The following DKK2 variants were observed in gnomAD, a reference collection of about 807,000 sequenced individuals.
DKK2 encodes the protein dickkopf Wnt signaling pathway inhibitor 2.
Under a neutral mutation model 28.1 loss-of-function variants are expected in DKK2, and 11 were observed. The ratio of observed to expected loss-of-function variants is 0.39; its 90% confidence interval spans 0.25 to 0.65. DKK2 has a LOEUF of 0.65. Among genes scored for constraint, DKK2 ranks in the 30% least tolerant of loss-of-function variants. DKK2 has a pLI of 0.47. For synonymous variants in DKK2, 135 were observed against 126.5 expected, an observed-to-expected ratio of 1.07 and a Z score of -0.45; for missense variants, 326 against 335.5, an observed-to-expected ratio of 0.97 and a Z score of 0.22.
intron 1 of DKK2, among the ~76,000 whole-genome samples, chr4:106,941,711 G>A (rs1054155439): frequency 7.9e-5 from 12 of 151,972 alleles, no homozygotes; most frequent in African/African-American, 2.9e-4. Context: ...ATAATGATAG[G>A]GTTAAGCATC....
At chr4:106,940,625 C>G (rs563799793) in intron 1 of DKK2, among the ~76,000 whole-genome samples, 2 of 150,352 alleles carry the variant, frequency 1.3e-5, no homozygotes, top group Non-Finnish European at 3.0e-5. Context: ...ACCCAAAGGA[C>G]TATAAATCAT....
At chr4:106,983,514 A>G (rs1043013944) in intron 1 of DKK2, among the ~76,000 whole-genome samples, 1 of 152,200 alleles carries the variant, frequency 6.6e-6, no homozygotes, top group African/African-American at 2.4e-5. Context: ...AAAAGTATGA[A>G]AAGACTTTGG....
intron 1 of DKK2, among the ~76,000 whole-genome samples, chr4:106,970,846 A>C (rs1722859168): frequency 6.6e-6 from 1 of 152,126 alleles, no homozygotes; most frequent in Non-Finnish European, 1.5e-5. Flanking sequence ...TCACATTTGA[A>C]AGTGTTTCTT....
chr4:107,020,663 A>G (rs1183055401), intron 1 of DKK2, among the ~76,000 whole-genome samples: 1 of 152,138 alleles, frequency 6.6e-6, no homozygotes, highest in African/African-American at 2.4e-5. Flanking sequence ...TTGTAGAATA[A>G]TTAAATCAAG....
chr4:107,004,181 A>G (rs1036592509), intron 1 of DKK2, among the ~76,000 whole-genome samples: 11 of 152,170 alleles, frequency 7.2e-5, no homozygotes, highest in African/African-American at 2.7e-4. Flanking sequence ...TGAATATGCT[A>G]GCATTACTCA....
chr4:106,999,493 C>A (rs1723326418), intron 1 of DKK2, among the ~76,000 whole-genome samples: 1 of 152,104 alleles, frequency 6.6e-6, no homozygotes, highest in African/African-American at 2.4e-5. Flanking sequence ...ACTACAGGTG[C>A]CCACCACCAT....
At chr4:106,984,103 G>A (rs900308606) in intron 1 of DKK2, among the ~76,000 whole-genome samples, 2 of 152,134 alleles carry the variant, frequency 1.3e-5, no homozygotes, top group African/African-American at 4.8e-5. Flanking sequence ...TTATACTCCT[G>A]GGCTTTTATC....
intron 1 of DKK2, among the ~76,000 whole-genome samples, chr4:106,940,503 T>C (rs1724678084): frequency 6.6e-6 from 1 of 150,794 alleles, no homozygotes; most frequent in Non-Finnish European, 1.5e-5. Context: ...ACTTTTACAC[T>C]GTTAGTGGGA....
At position 106,922,672 on chromosome 4, in the gene DKK2, A is replaced by T. The variant is rs922811270; in HGVS notation, c.*1282T>A. 2 of 152,152 alleles carry T rather than the reference A, an allele frequency of 1.3e-5. No homozygotes were observed. The highest frequency in any genetic ancestry group is 1.3e-4 in the Admixed American group (2 of 15,252). 9.4% of individuals were successfully genotyped at this position (152,152 alleles called of 1,614,324 possible). On this transcript the variant is annotated 3_prime_UTR_variant, in exon 4 of 4. Transcript: ENST00000285311. ...CATTTTGTGAAACCTCCTGAAATTG[A>T]GATTATTTGAGGATCTCAGCACTAT...
intron 1 of DKK2, among the ~76,000 whole-genome samples, chr4:106,977,867 C>G (rs900144089): frequency 6.6e-6 from 1 of 152,184 alleles, no homozygotes; most frequent in Non-Finnish European, 1.5e-5. Flanking sequence ...TCCTCATCAT[C>G]ATGGATTTAT....
intron 1 of DKK2, among the ~76,000 whole-genome samples, chr4:106,975,339 C>G (rs1722926685): frequency 6.6e-6 from 1 of 152,114 alleles, no homozygotes; most frequent in Non-Finnish European, 1.5e-5. Context: ...CTTTGTACCT[C>G]TGGTAGAATT....
At chr4:106,937,571 C>T (rs1265010519) in intron 1 of DKK2, among the ~76,000 whole-genome samples, 1 of 151,636 alleles carries the variant, frequency 6.6e-6, no homozygotes, top group Non-Finnish European at 1.5e-5. Context: ...GACAGAAAGT[C>T]AACAAGGATA....
intron 1 of DKK2, among the ~76,000 whole-genome samples, chr4:107,008,816 T>A (rs755411638): frequency 6.6e-6 from 1 of 151,942 alleles, no homozygotes; most frequent in Non-Finnish European, 1.5e-5. Context: ...AATTTATAAG[T>A]CAAATAAAAT....
intron 1 of DKK2, among the ~76,000 whole-genome samples, chr4:106,960,206 T>C (rs1308659833): frequency 6.0e-5 from 9 of 150,800 alleles, no homozygotes; most frequent in Non-Finnish European, 1.2e-4. Flanking sequence ...ATGAGATATG[T>C]GATATATATA....
At chr4:106,977,749 A>G (rs959361610) in intron 1 of DKK2, among the ~76,000 whole-genome samples, 2 of 152,152 alleles carry the variant, frequency 1.3e-5, no homozygotes, top group Admixed American at 6.5e-5. Flanking sequence ...CAATTCGTCA[A>G]ACTCATTCTC....
At chr4:107,008,490 G>A (rs1014359844) in intron 1 of DKK2, among the ~76,000 whole-genome samples, 4 of 152,006 alleles carry the variant, frequency 2.6e-5, no homozygotes, top group African/African-American at 9.7e-5. Flanking sequence ...TATAAGATGA[G>A]TAAGAGATAT....
intron 1 of DKK2, among the ~76,000 whole-genome samples, chr4:106,954,279 G>A (rs1429752366): frequency 6.6e-6 from 1 of 151,986 alleles, no homozygotes; most frequent in African/African-American, 2.4e-5. Flanking sequence ...GAACTTCAAA[G>A]TTTTGAGTTC....
intron 1 of DKK2, among the ~76,000 whole-genome samples, chr4:106,945,479 A>C (rs979123665): frequency 2.0e-5 from 3 of 152,126 alleles, no homozygotes; most frequent in Admixed American, 1.3e-4. Context: ...GCATCTGTAC[A>C]TAGAGCTTTT....
At chr4:106,973,596 G>A (rs143129745) in intron 1 of DKK2, among the ~76,000 whole-genome samples, 2 of 151,420 alleles carry the variant, frequency 1.3e-5, no homozygotes, top group Non-Finnish European at 2.9e-5. Flanking sequence ...TTTTTTTCTT[G>A]TAAATTTGTT....
Sources: gnomAD v4.1 joint callset for allele counts (sites outside exome capture counted in the v4.1 genomes callset) on GRCh38, gnomAD v4.1.1 for gene constraint, MANE v1.5 for transcripts, NCBI Gene and HGNC (gene_info 2026-07-23, HGNC 2026-07-21) for gene names.